Variants in FHIT observed in about 807,000 individuals in gnomAD.
FHIT encodes fragile histidine triad diadenosine triphosphatase, also known as bis(5'-adenosyl)-triphosphatase.
A neutral mutation model predicts 17.9 loss-of-function variants in FHIT; 19 were observed. The observed-to-expected ratio is 1.06, with a 90% CI of 0.74 to 1.56. The LOEUF is 1.56. Among genes scored for constraint, FHIT ranks in the 40% most tolerant of loss-of-function variants. The pLI, the probability that FHIT is intolerant of heterozygous loss-of-function variation, is 0.00. For synonymous variants in FHIT, 81 were observed against 69.7 expected, an observed-to-expected ratio of 1.16 and a Z score of -0.81; for missense variants, 248 against 189.2, an observed-to-expected ratio of 1.31 and a Z score of -1.82.
chr3:60,278,691 C>G (rs919416279), intron 5 of FHIT, among the ~76,000 whole-genome samples: 3 of 150,456 alleles, frequency 2.0e-5, no homozygotes, highest in African/African-American at 7.3e-5. Context: ...CAGTCCAGCT[C>G]TAAGCTAGAT....
intron 5 of FHIT, among the ~76,000 whole-genome samples, chr3:60,331,676 G>C (rs753268674): frequency 6.6e-6 from 1 of 151,922 alleles, no homozygotes; most frequent in South Asian, 2.1e-4. Flanking sequence ...GAGAAACCTC[G>C]TATCTGCTAA....
intron 5 of FHIT, among the ~76,000 whole-genome samples, chr3:60,502,680 C>T (rs1277724079): frequency 1.3e-5 from 2 of 152,138 alleles, no homozygotes; most frequent in Admixed American, 6.5e-5. Flanking sequence ...ATAGAACAGA[C>T]AGCTAGATCC....
At chr3:61,221,261 C>T (rs2039829455) in intron 1 of FHIT, among the ~76,000 whole-genome samples, 1 of 152,176 alleles carries the variant, frequency 6.6e-6, no homozygotes, top group Non-Finnish European at 1.5e-5. Context: ...AACATGGCCC[C>T]AGTATGTTTT....
At chr3:60,656,738 C>A (rs1406447018) in intron 4 of FHIT, among the ~76,000 whole-genome samples, 2 of 152,158 alleles carry the variant, frequency 1.3e-5, no homozygotes, top group African/African-American at 4.8e-5. Context: ...GGGTTTCCAA[C>A]GTTAACTATG....
chr3:59,816,350 C>T (rs746819364), intron 8 of FHIT, among the ~76,000 whole-genome samples: 4 of 152,064 alleles, frequency 2.6e-5, no homozygotes, highest in Non-Finnish European at 5.9e-5. Flanking sequence ...GGACTTTTTG[C>T]GTTCATTAAA....
In FHIT at chr3:60,715,369, C is replaced by G. The variant is rs545520797; in HGVS notation, c.-18+106550G>C. The stretch of plus-strand genomic sequence containing the variant: ...GCAATAGCAAAGACTTGGAACCAAC[C>G]AAAATGTCCAACAATGATAGACTGG... On this transcript the variant is annotated intron_variant, in intron 4 of 9. Transcript: ENST00000492590. Among the ~76,000 whole-genome samples the G allele has an allele frequency of 6.3e-4, 96 of 152,094 alleles. 1 individual carries two copies. The highest frequency in any genetic ancestry group is 5.5e-3 in the Admixed American group (84 of 15,272).
chr3:61,011,709 G>A (rs562952140), intron 3 of FHIT, among the ~76,000 whole-genome samples: 34 of 152,188 alleles, frequency 2.2e-4, no homozygotes, highest in South Asian at 6.2e-4. Context: ...TAAAGATCTC[G>A]CCTTTTCATC....
intron 5 of FHIT, among the ~76,000 whole-genome samples, chr3:60,313,066 T>C (rs1167244573): frequency 6.6e-6 from 1 of 152,216 alleles, no homozygotes; most frequent in Admixed American, 6.5e-5. Flanking sequence ...CAAGGTCATC[T>C]TGCTTGAGAG....
chr3:60,325,122 A>T (rs1052859168), intron 5 of FHIT, among the ~76,000 whole-genome samples: 19 of 149,384 alleles, frequency 1.3e-4, no homozygotes, highest in African/African-American at 9.9e-5. Flanking sequence ...AATTTTTTTC[A>T]TATTATTCAT....
At chr3:60,505,542 G>A (rs2034692780) in intron 5 of FHIT, among the ~76,000 whole-genome samples, 1 of 152,110 alleles carries the variant, frequency 6.6e-6, no homozygotes, top group Non-Finnish European at 1.5e-5. Context: ...AACTAATACA[G>A]ACGCACATTC....
intron 5 of FHIT, among the ~76,000 whole-genome samples, chr3:60,266,560 A>G (rs1171940560): frequency 6.6e-6 from 1 of 152,086 alleles, no homozygotes; most frequent in Non-Finnish European, 1.5e-5. Context: ...TACATATATT[A>G]TATCTCTCTA....
At chr3:60,707,286 G>C (rs1409495505) in intron 4 of FHIT, among the ~76,000 whole-genome samples, 1 of 152,158 alleles carries the variant, frequency 6.6e-6, no homozygotes, top group Non-Finnish European at 1.5e-5. Flanking sequence ...ATGATTCTAT[G>C]ATCTACTATA....
intron 5 of FHIT, among the ~76,000 whole-genome samples, chr3:60,253,289 G>C (rs114408513): frequency 1.3e-5 from 2 of 152,130 alleles, no homozygotes; most frequent in Non-Finnish European, 2.9e-5. Flanking sequence ...ATGATATTCT[G>C]AATCGACATT....
At chr3:61,024,718 A>T (rs948567767) in intron 3 of FHIT, among the ~76,000 whole-genome samples, 1 of 152,208 alleles carries the variant, frequency 6.6e-6, no homozygotes, top group East Asian at 1.9e-4. Flanking sequence ...ATTTCAAAAG[A>T]CAACGCATTT....
At chr3:60,066,208 T>A (rs977345688) in intron 5 of FHIT, among the ~76,000 whole-genome samples, 7 of 151,534 alleles carry the variant, frequency 4.6e-5, no homozygotes, top group African/African-American at 1.7e-4. Flanking sequence ...CTCTTTTATT[T>A]AAAAAAAAAT....
At position 60,541,502 on chromosome 3, in the gene FHIT, C is replaced by G. The variant is rs1302432103; in HGVS notation, c.-17-4523G>C. ...TATTCTACATGTGGGGCTATTCGTA[C>G]TACCTGGTTCTAGGGATGGGCAAGT... On this transcript the variant is annotated intron_variant, in intron 4 of 9. Coordinates refer to ENST00000492590, the MANE Select transcript of FHIT (RefSeq NM_002012.4). Among the ~76,000 whole-genome samples, 3 of 152,124 alleles carry G rather than the reference C, an allele frequency of 2.0e-5. No individual in the cohort carries two copies. The East Asian group carries it at 5.8e-4, about 29-fold the overall frequency.
At chr3:61,202,030 G>GTA (rs893842669) in intron 1 of FHIT, among the ~76,000 whole-genome samples, 14 of 150,896 alleles carry the variant, frequency 9.3e-5, no homozygotes, top group East Asian at 3.9e-4. Flanking sequence ...ATACACATGT[G>GTA]TATATATATA....
intron 5 of FHIT, among the ~76,000 whole-genome samples, chr3:60,065,930 T>C (rs1179519928): frequency 3.9e-5 from 6 of 152,154 alleles, no homozygotes; most frequent in African/African-American, 1.4e-4. Flanking sequence ...TTCCAGGAAA[T>C]AGGGTGGCCA....
chr3:60,834,881 G>GAAAAAAAAAAAAA (rs71092645), intron 3 of FHIT, among the ~76,000 whole-genome samples: 2 of 94,494 alleles, frequency 2.1e-5, no homozygotes, highest in Non-Finnish European at 4.4e-5. Flanking sequence ...GAAAAGAAAA[G>GAAAAAAAAAAAAA]AAAAAAAAAA....
Sources: allele counts gnomAD v4.1 joint callset (sites outside exome capture counted in the v4.1 genomes callset), GRCh38; gene constraint gnomAD v4.1.1; transcripts MANE v1.5; gene names NCBI Gene and HGNC (gene_info 2026-07-23, HGNC 2026-07-21).